Variants in SLC38A6 observed in about 807,000 individuals in gnomAD.
The protein encoded by SLC38A6 is N system amino acid transporter NAT-1.
SLC38A6 carries 73 observed loss-of-function variants against 65.0 expected under a neutral mutation model. The ratio of observed to expected loss-of-function variants is 1.12; its 90% CI spans 0.93 to 1.37. SLC38A6 has a LOEUF of 1.37. SLC38A6 is among the 40% of genes most tolerant of loss of function. SLC38A6 has a pLI of 0.00. For synonymous variants in SLC38A6, 183 were observed against 178.8 expected, an observed-to-expected ratio of 1.02 and a Z score of -0.19; for missense variants, 561 against 531.1, an observed-to-expected ratio of 1.06 and a Z score of -0.55.
chr14:61,002,372 C>T (rs955729179), intron 3 of SLC38A6: 5 of 151,934 alleles, frequency 3.3e-5, no homozygotes, highest in Admixed American at 2.0e-4. Context: ...ATAGAAAACA[C>T]AAGAAAGACA....
intron 1 of SLC38A6, chr14:60,981,724 A>T: frequency 7.6e-7 from 1 of 1,308,194 alleles, no homozygotes; most frequent in Non-Finnish European, 1.0e-6. Flanking sequence ...TTTCTCCACC[A>T]GTCTCGTGAG....
intron 4 of SLC38A6, among the ~76,000 whole-genome samples, chr14:61,018,603 G>A (rs967256159): frequency 1.3e-5 from 2 of 152,094 alleles, no homozygotes; most frequent in Admixed American, 6.6e-5. Context: ...TTGGGGTTCC[G>A]ATCCATTAAG....
chr14:61,031,809 G>A (rs1471300280), intron 6 of SLC38A6, among the ~76,000 whole-genome samples: 1 of 151,930 alleles, frequency 6.6e-6, no homozygotes, highest in African/African-American at 2.4e-5. Flanking sequence ...AAGAACTCAA[G>A]GCAATATGAG....
intron 15 of SLC38A6, chr14:61,073,960 T>G (rs1460298055): frequency 6.6e-6 from 1 of 152,180 alleles, no homozygotes; most frequent in Non-Finnish European, 1.5e-5. Flanking sequence ...GTTTTCTCTT[T>G]CTTATGATTT....
chr14:61,050,318 T>A (rs965085226), intron 12 of SLC38A6, among the ~76,000 whole-genome samples, 194 bp from the exon 13 acceptor site: 3 of 152,154 alleles, frequency 2.0e-5, no homozygotes, highest in Admixed American at 2.0e-4. Context: ...CTGGTTTTTA[T>A]TAAAGGAAAA....
At chr14:61,036,379 TGA>T (rs959829771) in intron 6 of SLC38A6, among the ~76,000 whole-genome samples, 3 of 148,906 alleles carry the variant, frequency 2.0e-5, no homozygotes, top group Non-Finnish European at 4.4e-5. Flanking sequence ...CACTCGTAAG[TGA>T]GAGTTGAGCA....
In SLC38A6 at chr14:60,988,248, T is replaced by G. The variant is rs145375831; in HGVS notation, c.310+3445T>G. On this transcript the variant is annotated intron_variant, in intron 3 of 15. Transcript: ENST00000267488. ...GTCCTGTTTGTCCCACATTTCTGCTTCTCAACCATCTTCCTCTCCTTGAAC... is the reference window on the plus strand; with the variant it reads ...GTCCTGTTTGTCCCACATTTCTGCTGCTCAACCATCTTCCTCTCCTTGAAC... Among the ~76,000 whole-genome samples the G allele has an allele frequency of 6.7e-3, 1,023 of 152,328 alleles. 8 individuals are homozygous for G. Among genetic ancestry groups the G allele is most frequent in the Middle Eastern group, 0.014 (4 of 294 alleles).
chr14:61,054,792 A>G (rs1387733786), downstream of SLC38A6, among the ~76,000 whole-genome samples: 1 of 152,190 alleles, frequency 6.6e-6, no homozygotes, highest in Non-Finnish European at 1.5e-5. Flanking sequence ...ATATAGAATC[A>G]TGTCATCTGC....
chr14:60,995,684 C>A (rs1311237039), intron 3 of SLC38A6, among the ~76,000 whole-genome samples: 2 of 151,980 alleles, frequency 1.3e-5, no homozygotes, highest in African/African-American at 4.8e-5. Context: ...AGGGTAGATA[C>A]GTTAATTTGC....
intron 3 of SLC38A6, among the ~76,000 whole-genome samples, chr14:61,015,167 A>G (rs574533474): frequency 1.3e-5 from 2 of 152,332 alleles, no homozygotes; most frequent in African/African-American, 4.8e-5. Flanking sequence ...CCGTGGGCAT[A>G]GGACCCTCCG....
intron 3 of SLC38A6, among the ~76,000 whole-genome samples, chr14:60,989,305 C>T (rs898105625): frequency 1.6e-4 from 25 of 152,182 alleles, no homozygotes; most frequent in Non-Finnish European, 5.9e-5. Context: ...TATTTCTTGG[C>T]CCTTTTCTAC....
chr14:60,994,743 C>G (rs1246844525), intron 3 of SLC38A6, among the ~76,000 whole-genome samples: 1 of 149,722 alleles, frequency 6.7e-6, no homozygotes, highest in East Asian at 2.0e-4. Flanking sequence ...GTGGCTCACG[C>G]CTGTACTCCC....
chr14:61,075,782 TG>T (rs1566736722), intron 15 of SLC38A6, among the ~76,000 whole-genome samples: 2 of 6,192 alleles, frequency 3.2e-4, no homozygotes, highest in Non-Finnish European at 1.1e-3. Context: ...CCTGTTTGTG[TG>T]TGTGTGTGTG....
At chr14:61,065,035 C>T (rs769683477) in intron 15 of SLC38A6, among the ~76,000 whole-genome samples, 13 of 151,982 alleles carry the variant, frequency 8.6e-5, no homozygotes, top group Admixed American at 1.3e-4. Context: ...AGTCTGGTTG[C>T]AGAGAAAACA....
At chr14:61,002,350 C>G (rs2038768628) in intron 3 of SLC38A6, 1 of 151,748 alleles carries the variant, frequency 6.6e-6, no homozygotes, top group Non-Finnish European at 1.5e-5. Flanking sequence ...AAAAAAAGAT[C>G]AGAGGAAAAT....
At chr14:61,071,891 A>G (rs2043239934) in intron 15 of SLC38A6, among the ~76,000 whole-genome samples, 1 of 152,178 alleles carries the variant, frequency 6.6e-6, no homozygotes, top group South Asian at 2.1e-4. Flanking sequence ...AATATTTGTT[A>G]AATCTTGTGT....
At chr14:61,063,685 AG>A (rs976708947) in intron 15 of SLC38A6, among the ~76,000 whole-genome samples, 3 of 132,914 alleles carry the variant, frequency 2.3e-5, no homozygotes, top group African/African-American at 8.3e-5. Context: ...TTGACAACTG[AG>A]CTTCTCTTTT....
intron 3 of SLC38A6, among the ~76,000 whole-genome samples, chr14:61,000,451 C>T (rs2038628257): frequency 6.6e-6 from 1 of 152,150 alleles, no homozygotes; most frequent in Admixed American, 6.5e-5. Flanking sequence ...CCCAACATGG[C>T]GAAACCCATC....
intron 12 of SLC38A6, among the ~76,000 whole-genome samples, chr14:61,049,503 CAG>C (rs1162951680): frequency 6.6e-6 from 1 of 152,122 alleles, no homozygotes; most frequent in Non-Finnish European, 1.5e-5. Flanking sequence ...CTGAGAGACT[CAG>C]TGTAAGTTGC....
Sources: gnomAD v4.1 joint callset for allele counts (sites outside exome capture counted in the v4.1 genomes callset) on GRCh38, gnomAD v4.1.1 for gene constraint, MANE v1.5 for transcripts, NCBI Gene and HGNC (gene_info 2026-07-23, HGNC 2026-07-21) for gene names.